ASAH2: variants seen among roughly 807,000 people sequenced by gnomAD.
ASAH2 encodes N-acylsphingosine amidohydrolase 2, also known as neutral ceramidase.
Under a neutral mutation model 82.9 loss-of-function variants are expected in ASAH2, and 58 were observed. That is an observed-to-expected ratio of 0.70 (90% CI 0.57 to 0.87). The LOEUF is 0.87. Among genes scored for constraint, ASAH2 ranks in the 40% least tolerant of loss-of-function variants. The probability of loss-of-function intolerance (pLI) is 0.00; values close to 1 mark genes in which losing one functional copy is unlikely to be tolerated. For missense variants in ASAH2, 779 were observed against 834.0 expected, an observed-to-expected ratio of 0.93 and a Z score of 0.81; for synonymous variants, 276 against 289.7, an observed-to-expected ratio of 0.95 and a Z score of 0.48.
At chr10:50,234,224 T>A (rs1030819) in intron 6 of ASAH2, among the ~76,000 whole-genome samples, 2 of 151,820 alleles carry the variant, frequency 1.3e-5, no homozygotes, top group Admixed American at 1.3e-4. Context: ...AGTGGAAAGA[T>A]ACATTAATAA....
intron 12 of ASAH2, among the ~76,000 whole-genome samples, chr10:50,206,820 C>T (rs1845311634): frequency 1.3e-5 from 2 of 151,782 alleles, no homozygotes; most frequent in South Asian, 2.1e-4. Flanking sequence ...AGAAGATCAA[C>T]AGAAAACTTG....
intron 7 of ASAH2, among the ~76,000 whole-genome samples, chr10:50,228,176 A>G (rs973693431): frequency 6.6e-6 from 1 of 152,214 alleles, no homozygotes. Flanking sequence ...TTTTAAATAA[A>G]AGCAATAAAT....
At position 50,214,882 on chromosome 10, in the gene ASAH2, T is replaced by G. The variant is rs1409568445; in HGVS notation, c.1015-14A>C. 1 of 1,613,084 alleles carries G rather than the reference T, an allele frequency of 6.2e-7. No individual in the cohort carries two copies. Among genetic ancestry groups the G allele is most frequent in the Non-Finnish European group, 8.5e-7 (1 of 1,179,466 alleles). ...TACAAATGGCCCCTGCCAAAAGAAA[T>G]GCCAAGTTGCCTTTTATTCTTTCCT... On this transcript the variant is annotated splice_polypyrimidine_tract_variant and intron_variant, in intron 8 of 20. Transcript: ENST00000682911.
intron 10 of ASAH2, 79 bp from the exon 11 acceptor site, chr10:50,211,213 T>C: frequency 9.2e-7 from 1 of 1,082,208 alleles, no homozygotes; most frequent in Non-Finnish European, 1.4e-6. Flanking sequence ...AAGTACCAAT[T>C]TGATGCAATT....
intron 18 of ASAH2, among the ~76,000 whole-genome samples, chr10:50,195,789 G>T (rs1169498063): frequency 6.6e-6 from 1 of 151,758 alleles, no homozygotes; most frequent in South Asian, 2.1e-4. Flanking sequence ...AAATAAGCCA[G>T]GTACAGAAAG....
intron 4 of ASAH2, among the ~76,000 whole-genome samples, chr10:50,239,828 A>ATTTTTTTTTTTT (rs1208518684): frequency 6.6e-5 from 8 of 120,644 alleles, no homozygotes; most frequent in Non-Finnish European, 1.0e-4. Context: ...CTCACATTTA[A>ATTTTTTTTTTTT]TTTTTTTTTT....
intron 13 of ASAH2, 111 bp from the exon 14 acceptor site, chr10:50,205,066 A>AC: frequency 7.1e-6 from 5 of 703,048 alleles, no homozygotes; most frequent in Non-Finnish European, 1.2e-5. Context: ...ATGTAGTATT[A>AC]AATATTCTAT....
chr10:50,237,611 G>C, intron 4 of ASAH2, among the ~76,000 whole-genome samples: 1 of 152,174 alleles, frequency 6.6e-6, no homozygotes, highest in Non-Finnish European at 1.5e-5. Flanking sequence ...CTCAGTAAAT[G>C]TTTAGTGAAT....
chr10:50,194,290 A>G (rs1844917069), intron 18 of ASAH2, among the ~76,000 whole-genome samples: 1 of 151,588 alleles, frequency 6.6e-6, no homozygotes, highest in Non-Finnish European at 1.5e-5. Flanking sequence ...AGCAACATCT[A>G]AAAAGGATTA....
chr10:50,240,208 C>T (rs1267106138), intron 4 of ASAH2, among the ~76,000 whole-genome samples: 1 of 152,164 alleles, frequency 6.6e-6, no homozygotes, highest in African/African-American at 2.4e-5. Context: ...GCCAGTCTCA[C>T]GTGATAAAGG....
At chr10:50,239,457 G>A (rs948652269) in intron 4 of ASAH2, among the ~76,000 whole-genome samples, 1 of 152,100 alleles carries the variant, frequency 6.6e-6, no homozygotes, top group East Asian at 1.9e-4. Flanking sequence ...CACTCTACCC[G>A]CCAAAGTCTA....
At chr10:50,197,603 C>T (rs1214564824) in intron 17 of ASAH2, among the ~76,000 whole-genome samples, 1 of 151,910 alleles carries the variant, frequency 6.6e-6, no homozygotes. Context: ...ATCTTTACAA[C>T]TGCATATGAG....
chr10:50,225,664 G>A (rs1469660627), intron 7 of ASAH2, among the ~76,000 whole-genome samples: 3 of 152,132 alleles, frequency 2.0e-5, no homozygotes, highest in African/African-American at 7.2e-5. Flanking sequence ...AGTAATGGGA[G>A]AGTAAACCAA....
rs1846097843 is a variant in ASAH2 at position 50,234,489 on chromosome 10, C to T, written c.751G>A (p.Asp251Asn). 5.6e-6 allele frequency: 9 copies of T among 1,612,908 alleles called. No homozygotes were observed. ...GGACTTCTGTTGATCTGCACACCAT[C>T]CACATTTCCTTTATTGATGAAGATT... is the stretch of plus-strand genomic sequence containing the variant. ...GKIFINKGNV[D>N]GVQINRSPYS... Residue 251 changes from aspartate (D) to asparagine (N), a missense_variant, in exon 6 of 21, where the codon GAT becomes AAT. This residue lies in a region of ASAH2 where 759 missense variants were observed against 755.2 expected (regional missense o/e 1.00). Coordinates refer to ENST00000682911, the MANE Select transcript of ASAH2 (RefSeq NM_019893.4).
intron 15 of ASAH2, 106 bp from the exon 16 acceptor site, chr10:50,203,030 T>C: frequency 1.2e-6 from 1 of 824,642 alleles, no homozygotes; most frequent in Non-Finnish European, 2.0e-6. Flanking sequence ...TAGTTTAAGA[T>C]ATTTTTCTTA....
chr10:50,238,560 A>G (rs1271906734), intron 4 of ASAH2, among the ~76,000 whole-genome samples: 2 of 128,750 alleles, frequency 1.6e-5, no homozygotes, highest in African/African-American at 4.9e-5. Context: ...TGAAGAAGAA[A>G]TGTATAAAGA....
chr10:50,248,663 C>T lies in ASAH2; in HGVS notation c.-36-17G>A. 4.5e-6 allele frequency: 7 copies of T among 1,569,638 alleles called. No individual in the cohort carries two copies. The highest frequency in any genetic ancestry group is 5.2e-6 in the Non-Finnish European group (6 of 1,153,880). ...GAAGAAATACTGAAGAGGAAGAAAT[C>T]ACAAATTAAAATGCAAATGCTTTAA... On this transcript the variant is annotated splice_polypyrimidine_tract_variant and intron_variant, in intron 1 of 20. Transcript: ENST00000682911.
At chr10:50,213,306 A>C (rs978426472) in intron 9 of ASAH2, among the ~76,000 whole-genome samples, 7 of 152,294 alleles carry the variant, frequency 4.6e-5, no homozygotes, top group African/African-American at 1.4e-4. Context: ...CTCAGGTTAA[A>C]AGATGTGTTG....
intron 7 of ASAH2, among the ~76,000 whole-genome samples, chr10:50,227,350 G>A (rs1288847125): frequency 1.3e-5 from 2 of 152,096 alleles, no homozygotes; most frequent in African/African-American, 4.8e-5. Flanking sequence ...TTTTTGCAGT[G>A]ATGGAGATAA....
Sources: gnomAD v4.1 joint callset for allele counts (sites outside exome capture counted in the v4.1 genomes callset) on GRCh38, gnomAD v4.1.1 for gene constraint, gnomAD v4.1.1 regional missense constraint, MANE v1.5 for transcripts, NCBI Gene and HGNC (gene_info 2026-07-23, HGNC 2026-07-21) for gene names.